The following MAPK8IP3 variants were observed in gnomAD, a reference collection of about 807,000 sequenced individuals.
MAPK8IP3 encodes the protein C-Jun-amino-terminal kinase-interacting protein 3.
MAPK8IP3 carries 49 observed loss-of-function variants against 157.8 expected under a neutral mutation model. That is an observed-to-expected ratio of 0.31 (90% CI 0.25 to 0.39). The LOEUF (loss-of-function observed/expected upper bound fraction) is 0.39, where lower values mean the gene tolerates loss of function less well. Among genes scored for constraint, MAPK8IP3 ranks in the 10% least tolerant of loss-of-function variants. The pLI, the probability that MAPK8IP3 is intolerant of heterozygous loss-of-function variation, is 1.00. For synonymous variants in MAPK8IP3, 897 were observed against 777.7 expected (o/e 1.15, Z -2.55); for missense variants, 1,478 against 1,889.4 (o/e 0.78, Z 4.04).
chr16:1,744,732 G>A (rs990798298), intron 5 of MAPK8IP3: 22 of 985,380 alleles, frequency 2.2e-5, no homozygotes, highest in African/African-American at 2.1e-4. Flanking sequence ...CTCTGGGCCC[G>A]CTCTTCTTCT....
intron 4 of MAPK8IP3, among the ~76,000 whole-genome samples, chr16:1,730,772 G>A (rs1371048258): frequency 1.3e-5 from 2 of 151,708 alleles, no homozygotes; most frequent in African/African-American, 2.4e-5. Flanking sequence ...GAACCCGGGA[G>A]GCAGAGGTTG....
intron 8 of MAPK8IP3, among the ~76,000 whole-genome samples, chr16:1,749,652 G>A (rs903307623): frequency 7.2e-5 from 11 of 152,356 alleles, no homozygotes; most frequent in East Asian, 1.9e-4. Context: ...CATGACAGGC[G>A]GGCAGTAGGA....
chr16:1,725,481 C>G (rs1415925370), intron 2 of MAPK8IP3, among the ~76,000 whole-genome samples: 1 of 150,886 alleles, frequency 6.6e-6, no homozygotes. Flanking sequence ...ATAAAAATTA[C>G]CCGGGCATGG....
intron 5 of MAPK8IP3, chr16:1,745,966 G>C (rs899352548): frequency 6.6e-6 from 1 of 152,314 alleles, no homozygotes; most frequent in Non-Finnish European, 1.5e-5. Flanking sequence ...GTCACTTAAA[G>C]GCCAGTATAA....
rs1419617526 is a variant in MAPK8IP3, at chr16:1,764,459, G to T, written c.2280G>T (p.Lys760Asn). The T allele has an allele frequency of 6.2e-7, 1 of 1,608,264 alleles. No homozygotes were observed. Among genetic ancestry groups the T allele is most frequent in the South Asian group, 1.1e-5 (1 of 90,374 alleles). Residue 760 changes from lysine (K) to asparagine (N), a missense_variant and splice_region_variant, in exon 19 of 32, where the codon AAG (lysine) becomes AAT (asparagine). By Grantham distance (94) the Lys-to-Asn change is moderately conservative (BLOSUM62 0). Around this residue, in one of 11 missense-constraint regions of MAPK8IP3, gnomAD observed 669 missense variants for 759.8 expected, o/e 0.88. Transcript: ENST00000610761. Reference sequence around the variant, plus strand: ...CCCACACGTCTCCCGAGAAGAAGAAGGTGAGCATGGCCGAGGCCACCGGGC... The same window carrying T: ...CCCACACGTCTCCCGAGAAGAAGAATGTGAGCATGGCCGAGGCCACCGGGC... ...KSAHTSPEKK[K>N]AKELPEMDAT...
chr16:1,760,146 C>T (rs185100227), intron 11 of MAPK8IP3, 131 bp downstream of exon 11: 12 of 1,093,862 alleles, frequency 1.1e-5, no homozygotes, highest in South Asian at 2.7e-5. Context: ...TCATCTCTGG[C>T]GGGAGGAACT....
Position 1,763,735 on chromosome 16 carries a change from C to T in MAPK8IP3, c.1977C>T (p.Asp659=), listed in dbSNP as rs1382752420. 1.3e-5 allele frequency: 21 copies of T among 1,591,540 alleles called. 1 individual carries two copies. The highest frequency in any genetic ancestry group is 1.7e-4 in the Middle Eastern group (1 of 6,024). Residue 659 remains aspartate, a synonymous_variant, in exon 17 of 32, where the codon GAC becomes GAT. Transcript: ENST00000610761. ...RQVREHVRND[D]GRLQACGWSL... ...TGCGTGAGCACGTGCGTAACGACGA[C>T]GGCCGTCTGCAGGCCTGCGGCTGGA... is the stretch of plus-strand genomic sequence containing the variant.
Position 1,744,113 on chromosome 16 carries a change from G to C in MAPK8IP3, c.747+637G>C, listed in dbSNP as rs537216986. On this transcript the variant is annotated intron_variant, in intron 5 of 31. Coordinates refer to ENST00000610761, the MANE Select transcript of MAPK8IP3 (RefSeq NM_001318852.2). ...GTGCACCTCAGAGCACAGGGGCCCA[G>C]AGCCAGGCCACTCCTTCAGGGCCCC... The C allele has an allele frequency of 5.1e-6, 5 of 985,770 alleles. No individual in the cohort carries two copies. The East Asian group carries it at 5.7e-4, about 112-fold the overall frequency. The allele number at this position is 985,770 out of a possible 1,614,324, so 61.1% of individuals were successfully genotyped here.
Position 1,765,132 on chromosome 16 carries a change from G to C in MAPK8IP3, c.2400G>C (p.Gln800His). 1 of 1,611,598 alleles carries C rather than the reference G, an allele frequency of 6.2e-7. No individual in the cohort carries two copies. Among genetic ancestry groups the C allele is most frequent in the Non-Finnish European group, 8.5e-7 (1 of 1,178,990 alleles). Residue 800 changes from glutamine (Q) to histidine (H), a missense_variant, in exon 20 of 32, where the codon CAG (glutamine) becomes CAC (histidine). By Grantham distance (24) the Gln-to-His change is conservative (BLOSUM62 0). Around this residue, in one of 11 missense-constraint regions of MAPK8IP3, gnomAD observed 669 missense variants for 759.8 expected, o/e 0.88. Transcript: ENST00000610761. Reference protein sequence around the residue: ...DANQPGTVVDQFTVCNAHVLC... With the variant: ...DANQPGTVVDHFTVCNAHVLC... ...ACCAGCCGGGCACGGTGGTGGACCA[G>C]TTCACCGTCTGCAACGCGCACGTGC...
intron 10 of MAPK8IP3, among the ~76,000 whole-genome samples, chr16:1,759,482 A>G (rs1000619194): frequency 1.3e-5 from 2 of 152,092 alleles, no homozygotes; most frequent in Non-Finnish European, 1.5e-5. Flanking sequence ...GCCTCGTGGT[A>G]GAGGAGCCTT....
chr16:1,742,650 C>T lies in MAPK8IP3; in HGVS notation c.603-682C>T, dbSNP rs1335868853. ...AGGAAGGCTGGATTCCCTCTGCTGG[C>T]GCCAGGGGAACAGGCAGGGCTGGCA... is the stretch of plus-strand genomic sequence containing the variant. On this transcript the variant is annotated intron_variant, in intron 4 of 31. Transcript: ENST00000610761. The surrounding 1 kb of genome is among the most constrained non-coding windows in gnomAD (Gnocchi z 5.0). Among the ~76,000 whole-genome samples, 1 of 152,128 alleles carries T rather than the reference C, an allele frequency of 6.6e-6. No homozygotes were observed. The highest frequency in any genetic ancestry group is 1.5e-5 in the Non-Finnish European group (1 of 68,024).
In MAPK8IP3 at chr16:1,706,261, C is replaced by T; in HGVS notation, c.-79C>T. Reference sequence around the variant, plus strand: ...GCTGCGGGAGGCGACGGGCTGCGGCCTGCGGAACCTGAGGCAGCTGGGGAG... The same window carrying T: ...GCTGCGGGAGGCGACGGGCTGCGGCTTGCGGAACCTGAGGCAGCTGGGGAG... On this transcript the variant is annotated 5_prime_UTR_variant, in exon 1 of 32. Transcript: ENST00000610761. The surrounding 1 kb of genome is among the most constrained non-coding windows in gnomAD (Gnocchi z 5.1). 7.5e-7 allele frequency: 1 copy of T among 1,332,692 alleles called. No homozygotes were observed. Among genetic ancestry groups the T allele is most frequent in the Non-Finnish European group, 9.8e-7 (1 of 1,022,492 alleles). 82.6% of individuals were successfully genotyped at this position (1,332,692 alleles called of 1,614,324 possible).
intron 4 of MAPK8IP3, among the ~76,000 whole-genome samples, chr16:1,733,956 C>T (rs1281271956): frequency 6.6e-6 from 1 of 152,264 alleles, no homozygotes; most frequent in African/African-American, 2.4e-5. Flanking sequence ...GCAACGCCAG[C>T]AGCAGTGGCT....
At chr16:1,711,806 G>A (rs1186985651) in intron 1 of MAPK8IP3, among the ~76,000 whole-genome samples, 2 of 151,954 alleles carry the variant, frequency 1.3e-5, no homozygotes, top group African/African-American at 4.8e-5. Flanking sequence ...TGGGCATGGT[G>A]ATGCACACCT....
rs903074680 is a variant in MAPK8IP3 at position 1,727,227 on chromosome 16, C to T, written c.440-1911C>T. On this transcript the variant is annotated intron_variant, in intron 2 of 31. Coordinates refer to ENST00000610761, the MANE Select transcript of MAPK8IP3 (RefSeq NM_001318852.2). Reference sequence around the variant, plus strand: ...TGTGCTGTGTGCGGCGTCTGAGTGACGTGTGCTATGTGCGGGTCTGTGTGA... The same window carrying T: ...TGTGCTGTGTGCGGCGTCTGAGTGATGTGTGCTATGTGCGGGTCTGTGTGA... Among the ~76,000 whole-genome samples, 5 of 139,934 alleles carry T rather than the reference C, an allele frequency of 3.6e-5. No homozygotes were observed. The East Asian group carries it at 1.1e-3, about 30-fold the overall frequency. The allele number at this position is 139,934 out of a possible 152,430, so 91.8% of individuals were successfully genotyped here. A position where few individuals can be genotyped will look rare whatever the true frequency, so the allele number is the denominator to read the frequency against.
At chr16:1,762,059 C>T (rs775721140) in intron 13 of MAPK8IP3, among the ~76,000 whole-genome samples, 3 of 152,198 alleles carry the variant, frequency 2.0e-5, no homozygotes, top group African/African-American at 4.8e-5. Context: ...CTGACCCCAG[C>T]GGCATCATCT....
intron 4 of MAPK8IP3, among the ~76,000 whole-genome samples, chr16:1,730,711 C>T (rs962618975): frequency 1.7e-4 from 26 of 152,004 alleles, no homozygotes; most frequent in African/African-American, 4.3e-4. Flanking sequence ...GGTGTGGTGG[C>T]GGGCGCCTGT....
At chr16:1,731,982 G>C (rs1347153899) in intron 4 of MAPK8IP3, among the ~76,000 whole-genome samples, 6 of 152,114 alleles carry the variant, frequency 3.9e-5, no homozygotes, top group African/African-American at 1.4e-4. Flanking sequence ...TCCTCAGAGA[G>C]TCGGGGGAGC....
Position 1,747,066 on chromosome 16 carries a change from C to G in MAPK8IP3, c.785C>G (p.Ser262Trp), listed in dbSNP as rs770176524. Residue 262 changes from serine (S) to tryptophan (W), a missense_variant, in exon 6 of 32, where the codon TCG (serine) becomes TGG (tryptophan). Physicochemically the swap from Ser to Trp is radical, Grantham distance 177 (BLOSUM62 -3). Around this residue, in one of 11 missense-constraint regions of MAPK8IP3, gnomAD observed 315 missense variants for 394.4 expected, o/e 0.80. Transcript: ENST00000610761. ...GAAATGTCCGAGTCAGGCCAGTCCT[C>G]GGCGGCCGCCACACCCAGCACCACA... ...QDEMSESGQS[S>W]AAATPSTTGT... 1.9e-6 allele frequency: 3 copies of G among 1,613,278 alleles called. No homozygotes were observed. Among genetic ancestry groups the G allele is most frequent in the Non-Finnish European group, 1.7e-6 (2 of 1,179,710 alleles).
Sources: allele counts gnomAD v4.1 joint callset (sites outside exome capture counted in the v4.1 genomes callset), GRCh38; gene constraint gnomAD v4.1.1; regional missense constraint gnomAD v4.1.1; non-coding constraint Gnocchi (gnomAD v3.1); transcripts MANE v1.5; gene names NCBI Gene and HGNC (gene_info 2026-07-23, HGNC 2026-07-21).